DLST: variants seen among roughly 807,000 people sequenced by gnomAD.
The protein encoded by DLST is dihydrolipoamide S-succinyltransferase, also known as dihydrolipoyllysine-residue succinyltransferase component of 2-oxoglutarate dehydrogenase complex, mitochondrial.
Under a neutral mutation model 53.1 loss-of-function variants are expected in DLST, and 17 were observed. The ratio of observed to expected loss-of-function variants is 0.32; its 90% CI spans 0.22 to 0.48. The LOEUF is 0.48. Ranked by LOEUF, DLST falls within the 20% of genes least tolerant of loss-of-function variation. The probability of loss-of-function intolerance (pLI) is 0.99; values close to 1 mark genes in which losing one functional copy is unlikely to be tolerated. For synonymous variants in DLST, 206 were observed against 204.8 expected, an observed-to-expected ratio of 1.01 and a Z score of -0.05; for missense variants, 512 against 583.9, an observed-to-expected ratio of 0.88 and a Z score of 1.27.
Position 74,889,155 on chromosome 14 carries a change from C to T in DLST, c.199+8C>T. 1.2e-6 allele frequency: 2 copies of T among 1,613,928 alleles called. No individual in the cohort carries two copies. Among genetic ancestry groups the T allele is most frequent in the Non-Finnish European group, 1.7e-6 (2 of 1,179,888 alleles). ...GAACTACAGCTGTATGCAGTAAGTA[C>T]CTGCTTTCTTGGGAATGGAATTTTA... is the stretch of plus-strand genomic sequence containing the variant. On this transcript the variant is annotated splice_region_variant and intron_variant, in intron 4 of 14. Coordinates refer to ENST00000334220, the MANE Select transcript of DLST (RefSeq NM_001933.5).
Position 74,881,921 on chromosome 14 carries a change from C to A in DLST, c.-33C>A, listed in dbSNP as rs749871935. On this transcript the variant is annotated 5_prime_UTR_variant, in exon 1 of 15. Transcript: ENST00000334220. Reference sequence around the variant, plus strand: ...TCCGGTTGTTGTCCGGCCCTATATCCGGTGTCCGCCCGCCCTCGGCTCCTC... The same window carrying A: ...TCCGGTTGTTGTCCGGCCCTATATCAGGTGTCCGCCCGCCCTCGGCTCCTC... The A allele has an allele frequency of 6.6e-7, 1 of 1,517,258 alleles. No individual in the cohort carries two copies. 94.0% of individuals were successfully genotyped at this position (1,517,258 alleles called of 1,614,324 possible).
At chr14:74,895,008 G>C (rs1232068754) in intron 10 of DLST, among the ~76,000 whole-genome samples, 1 of 152,064 alleles carries the variant, frequency 6.6e-6, no homozygotes, top group Non-Finnish European at 1.5e-5. Context: ...CAGGCGGATT[G>C]CTTGAGTCCA....
intron 10 of DLST, among the ~76,000 whole-genome samples, chr14:74,895,702 C>A (rs1279819244): frequency 6.6e-6 from 1 of 152,162 alleles, no homozygotes; most frequent in Non-Finnish European, 1.5e-5. Context: ...GAGTTCGAGA[C>A]CAGCCTGGCC....
At chr14:74,883,663 T>G (rs80166469) in intron 2 of DLST, among the ~76,000 whole-genome samples, 3,643 of 152,332 alleles carry the variant, frequency 0.024, 48 homozygotes, top group Non-Finnish European at 0.036. Flanking sequence ...ATTTTTTAGT[T>G]AATCATCTCA....
At chr14:74,900,060 A>C in intron 12 of DLST, 64 bp downstream of exon 12, 1 of 1,301,788 alleles carries the variant, frequency 7.7e-7, no homozygotes, top group Non-Finnish European at 1.1e-6. Flanking sequence ...TGTGAAGGAG[A>C]TCACACAAGA....
intron 2 of DLST, 55 bp from the exon 3 acceptor site, chr14:74,885,531 A>T (rs1012112183): frequency 5.7e-6 from 9 of 1,576,592 alleles, no homozygotes; most frequent in Non-Finnish European, 7.0e-6. Context: ...CATTCCCAGC[A>T]TGTATCCTTT....
chr14:74,902,440 T>C lies in DLST; in HGVS notation c.*110T>C, dbSNP rs1380881585. ...CTGGTGACAGGCAGACACATGCTGTTGGCCTCAAGCAAGGAAGCAGAGCAC... is the reference window on the plus strand; with the variant it reads ...CTGGTGACAGGCAGACACATGCTGTCGGCCTCAAGCAAGGAAGCAGAGCAC... On this transcript the variant is annotated 3_prime_UTR_variant, in exon 15 of 15. Transcript: ENST00000334220. 14 of 1,384,126 alleles carry C rather than the reference T, an allele frequency of 1.0e-5. No homozygotes were observed. The highest frequency in any genetic ancestry group is 1.4e-5 in the Non-Finnish European group (14 of 1,030,892). The allele number at this position is 1,384,126 out of a possible 1,614,324, so 85.7% of individuals were successfully genotyped here.
At chr14:74,886,426 A>G (rs1257427862) in intron 3 of DLST, among the ~76,000 whole-genome samples, 1 of 151,574 alleles carries the variant, frequency 6.6e-6, no homozygotes, top group African/African-American at 2.4e-5. Flanking sequence ...TCCTGGGCTC[A>G]AGAGATCCTT....
intron 10 of DLST, among the ~76,000 whole-genome samples, chr14:74,895,724 ACT>A (rs1884056809): frequency 1.3e-5 from 2 of 152,004 alleles, no homozygotes; most frequent in African/African-American, 2.4e-5. Context: ...ACGTGGTGAA[ACT>A]CTGCCTCTAC....
chr14:74,896,456 C>T (rs1003215453), intron 10 of DLST, among the ~76,000 whole-genome samples: 2 of 152,104 alleles, frequency 1.3e-5, no homozygotes, highest in African/African-American at 4.8e-5. Flanking sequence ...GTTTAGTCTG[C>T]GAATCTACTT....
chr14:74,888,487 C>T (rs1039424918), intron 3 of DLST, among the ~76,000 whole-genome samples: 2 of 151,908 alleles, frequency 1.3e-5, no homozygotes, highest in Non-Finnish European at 2.9e-5. Context: ...TCCTGTAATC[C>T]CAGCACTTTG....
intron 6 of DLST, among the ~76,000 whole-genome samples, chr14:74,890,454 A>G (rs952580277): frequency 2.6e-5 from 4 of 151,904 alleles, no homozygotes; most frequent in Non-Finnish European, 2.9e-5. Flanking sequence ...TGTGTGTACT[A>G]TGTACTTCAT....
intron 3 of DLST, among the ~76,000 whole-genome samples, chr14:74,888,072 A>G (rs1883767697): frequency 6.6e-6 from 1 of 152,218 alleles, no homozygotes; most frequent in African/African-American, 2.4e-5. Context: ...CCTCAGAGGT[A>G]ACCACTGTTA....
Position 74,901,069 on chromosome 14 carries a change from C to T in DLST, c.1063C>T (p.Arg355Ter). 8 of 1,613,372 alleles carry T rather than the reference C, an allele frequency of 5.0e-6. No individual in the cohort carries two copies. The highest frequency in any genetic ancestry group is 6.8e-6 in the Non-Finnish European group (8 of 1,179,758). The change falls in exon 14 of 15, where the codon CGA (arginine) becomes TGA (stop). Residue 355 changes from arginine (R) to a stop codon, truncating the protein, a stop_gained. Transcript: ENST00000334220. LOFTEE classifies it high-confidence loss of function. ...RTITELGEKA[R>*]KNELAIEDMD... ...CAATTATGAAATCTGTTTTTAGGCC[C>T]GAAAGAATGAACTTGCCATTGAAGA...
rs1884236082 is a variant in DLST at position 74,901,192 on chromosome 14, A to T, written c.1186A>T (p.Met396Leu). 1 of 1,614,062 alleles carries T rather than the reference A, an allele frequency of 6.2e-7. No homozygotes were observed. Among genetic ancestry groups the T allele is most frequent in the African/African-American group, 1.3e-5 (1 of 75,036 alleles). Residue 396 changes from methionine to leucine, a missense_variant, in exon 14 of 15, where the codon ATG becomes TTG. By Grantham distance (15) the Met-to-Leu change is conservative. Transcript: ENST00000334220. ...CCCCCCTCAGTCTGCCATCCTGGGGATGCATGGCATCTTTGACAGGCCAGT... is the reference window on the plus strand; with the variant it reads ...CCCCCCTCAGTCTGCCATCCTGGGGTTGCATGGCATCTTTGACAGGCCAGT... The part of the protein sequence containing the change: ...INPPQSAILG[M>L]HGIFDRPVAI...
intron 3 of DLST, chr14:74,885,926 A>G: frequency 3.3e-6 from 1 of 302,920 alleles, no homozygotes; most frequent in South Asian, 7.4e-5. Context: ...GGGTGCTCCT[A>G]GATATTCTGT....
intron 3 of DLST, among the ~76,000 whole-genome samples, chr14:74,888,054 C>T (rs1883766833): frequency 6.6e-6 from 1 of 152,158 alleles, no homozygotes; most frequent in African/African-American, 2.4e-5. Flanking sequence ...ATGTCTACAT[C>T]TCTCACCCCT....
intron 10 of DLST, among the ~76,000 whole-genome samples, chr14:74,894,751 G>A (rs1271110786): frequency 2.0e-5 from 3 of 151,940 alleles, no homozygotes; most frequent in Non-Finnish European, 4.4e-5. Flanking sequence ...GTTTCACCGT[G>A]TTAGCCAGGA....
At chr14:74,894,503 A>T in intron 10 of DLST, 94 bp downstream of exon 10, 1 of 1,255,026 alleles carries the variant, frequency 8.0e-7, no homozygotes, top group Non-Finnish European at 1.1e-6. Flanking sequence ...TCTAAAACTA[A>T]CTTGTCAGGG....
Sources: allele counts gnomAD v4.1 joint callset (sites outside exome capture counted in the v4.1 genomes callset), GRCh38; gene constraint gnomAD v4.1.1; transcripts MANE v1.5; gene names NCBI Gene and HGNC (gene_info 2026-07-23, HGNC 2026-07-21).